SIPA1L1: variants seen among roughly 807,000 people sequenced by gnomAD.
The protein encoded by SIPA1L1 is signal induced proliferation associated 1 like 1.
Under a neutral mutation model 162.7 loss-of-function variants are expected in SIPA1L1, and 26 were observed. The observed-to-expected ratio is 0.16, with a 90% confidence interval of 0.12 to 0.22. The LOEUF (loss-of-function observed/expected upper bound fraction) is 0.22, where lower values mean the gene tolerates loss of function less well. Ranked by LOEUF, SIPA1L1 falls within the 10% of genes least tolerant of loss-of-function variation. The pLI, the probability that SIPA1L1 is intolerant of heterozygous loss-of-function variation, is 1.00. For synonymous variants in SIPA1L1, 829 were observed against 837.4 expected, an observed-to-expected ratio of 0.99 and a Z score of 0.17; for missense variants, 1,874 against 2,241.0, an observed-to-expected ratio of 0.84 and a Z score of 3.31.
rs574335847 is a variant in SIPA1L1, at chr14:71,519,881, A to G, written c.-362+7036A>G. On this transcript the variant is annotated intron_variant, in intron 3 of 23. Transcript: ENST00000381232. ...ATTGATTATAATAGTGATTAATTATAGTAAACAATAATAGTAATGGATTAT... is the reference window on the plus strand; with the variant it reads ...ATTGATTATAATAGTGATTAATTATGGTAAACAATAATAGTAATGGATTAT... Among the ~76,000 whole-genome samples, 53 of 152,336 alleles carry G rather than the reference A, an allele frequency of 3.5e-4. 1 individual carries two copies. The highest frequency in any genetic ancestry group is 1.2e-3 in the African/African-American group (49 of 41,576).
At chr14:71,544,377 C>A (rs190155360) in intron 4 of SIPA1L1, among the ~76,000 whole-genome samples, 113 of 151,018 alleles carry the variant, frequency 7.5e-4, no homozygotes, top group Middle Eastern at 3.5e-3. Context: ...TATATGATTT[C>A]TTTGTCAGAT....
chr14:71,553,050 G>A (rs552662156), intron 4 of SIPA1L1, among the ~76,000 whole-genome samples: 2 of 152,216 alleles, frequency 1.3e-5, no homozygotes, highest in East Asian at 3.9e-4. Context: ...ATGCTGCTTA[G>A]TGTCACTCTG....
chr14:71,532,027 T>A (rs1460322234), intron 4 of SIPA1L1, among the ~76,000 whole-genome samples: 1 of 152,174 alleles, frequency 6.6e-6, no homozygotes, highest in African/African-American at 2.4e-5. Flanking sequence ...TTTGTTTTTT[T>A]TTCTGGGTGC....
chr14:71,554,368 C>T (rs1204575442), intron 4 of SIPA1L1, among the ~76,000 whole-genome samples: 1 of 151,772 alleles, frequency 6.6e-6, no homozygotes, highest in African/African-American at 2.4e-5. Context: ...AACTTAAACA[C>T]CACAGACTTA....
At chr14:71,514,347 T>C (rs1019594217) in intron 3 of SIPA1L1, among the ~76,000 whole-genome samples, 4 of 152,218 alleles carry the variant, frequency 2.6e-5, no homozygotes, top group African/African-American at 9.6e-5. Flanking sequence ...ACTGGAGTTG[T>C]ACATAACGCT....
intron 2 of SIPA1L1, among the ~76,000 whole-genome samples, chr14:71,370,543 T>A (rs1188236595): frequency 2.0e-5 from 3 of 152,194 alleles, no homozygotes; most frequent in Admixed American, 6.5e-5. Flanking sequence ...TGCTGTATAA[T>A]TGCCCTTCAG....
rs2085654622 is a variant in SIPA1L1 at position 71,740,232 on chromosome 14, A to G, written c.*1071A>G. ...TTGCTTGTTAGGAATAATGACTGTG[A>G]TACTAGAATGGGCTTTTGAAACCTG... is the stretch of plus-strand genomic sequence containing the variant. On this transcript the variant is annotated 3_prime_UTR_variant, in exon 24 of 24. Transcript: ENST00000381232. 1 of 152,222 alleles carries G rather than the reference A, an allele frequency of 6.6e-6. No homozygotes were observed. Among genetic ancestry groups the G allele is most frequent in the African/African-American group, 2.4e-5 (1 of 41,448 alleles). The allele number at this position is 152,222 out of a possible 1,614,324, so 9.4% of individuals were successfully genotyped here.
At chr14:71,614,220 A>C (rs937204901) in intron 5 of SIPA1L1, among the ~76,000 whole-genome samples, 1 of 146,668 alleles carries the variant, frequency 6.8e-6, no homozygotes, top group East Asian at 1.9e-4. Flanking sequence ...GCTGTCTCCA[A>C]AAAAAAAAAA....
chr14:71,499,282 G>A (rs1567110229), intron 2 of SIPA1L1, among the ~76,000 whole-genome samples: 4 of 152,200 alleles, frequency 2.6e-5, no homozygotes. Flanking sequence ...GGTTGAGGCT[G>A]TAGTGGGCTA....
chr14:71,703,924 CTTAATAGA>C (rs2082266350), intron 15 of SIPA1L1, among the ~76,000 whole-genome samples: 1 of 152,170 alleles, frequency 6.6e-6, no homozygotes, highest in Admixed American at 6.5e-5. Context: ...GCATCCCACT[CTTAATAGA>C]TAAGACTTAA....
intron 4 of SIPA1L1, among the ~76,000 whole-genome samples, chr14:71,572,521 C>T (rs977209080): frequency 2.6e-5 from 4 of 152,050 alleles, no homozygotes; most frequent in Non-Finnish European, 2.9e-5. Context: ...ATCTGGGAGA[C>T]GTGGGATCCA....
chr14:71,327,489 C>G (rs1268026912), intron 2 of SIPA1L1, among the ~76,000 whole-genome samples: 1 of 152,140 alleles, frequency 6.6e-6, no homozygotes, highest in African/African-American at 2.4e-5. Flanking sequence ...TATCCCATGT[C>G]TTCAGGAAGA....
intron 2 of SIPA1L1, among the ~76,000 whole-genome samples, chr14:71,410,658 CG>C (rs1299203619): frequency 6.6e-6 from 1 of 152,144 alleles, no homozygotes; most frequent in East Asian, 1.9e-4. Context: ...GCATTAAAAA[CG>C]TTTCAGATTT....
At chr14:71,367,519 A>G (rs2038435869) in intron 2 of SIPA1L1, among the ~76,000 whole-genome samples, 1 of 150,942 alleles carries the variant, frequency 6.6e-6, no homozygotes, top group Admixed American at 6.6e-5. Flanking sequence ...CGTGTTAGCC[A>G]GGATGGTCTC....
At chr14:71,722,038 C>T (rs1401572590) in intron 17 of SIPA1L1, among the ~76,000 whole-genome samples, 1 of 152,192 alleles carries the variant, frequency 6.6e-6, no homozygotes, top group East Asian at 1.9e-4. Flanking sequence ...TCTGCTGTAA[C>T]AGGCCAGCAG....
At chr14:71,365,072 G>T (rs1241892190) in intron 2 of SIPA1L1, among the ~76,000 whole-genome samples, 1 of 151,854 alleles carries the variant, frequency 6.6e-6, no homozygotes, top group Non-Finnish European at 1.5e-5. Context: ...TGTTGCCCAG[G>T]CTGGAGTGTA....
chr14:71,528,086 C>T (rs943345231), intron 3 of SIPA1L1, among the ~76,000 whole-genome samples: 2 of 152,138 alleles, frequency 1.3e-5, no homozygotes, highest in Non-Finnish European at 2.9e-5. Flanking sequence ...AAAGCAATTC[C>T]AGCATCTTAA....
Position 71,535,585 on chromosome 14 carries a change from C to G in SIPA1L1, c.-303+6215C>G, listed in dbSNP as rs575993230. On this transcript the variant is annotated intron_variant, in intron 4 of 23. Transcript: ENST00000381232. ...TTATTATCAAGGGATAACTGAATGT[C>G]AGAATCCCTCCTAGGTTTTTTTTTT... 1.8e-4 allele frequency among the ~76,000 whole-genome samples: 27 copies of G among 151,848 alleles called. No homozygotes were observed. In the South Asian group the frequency reaches 3.9e-3, roughly 22 times the overall value.
At chr14:71,595,475 T>C (rs1345929804) in intron 5 of SIPA1L1, among the ~76,000 whole-genome samples, 6 of 152,254 alleles carry the variant, frequency 3.9e-5, no homozygotes, top group African/African-American at 7.2e-5. Flanking sequence ...ACTATACAGC[T>C]TTGATTATTA....
Sources: gnomAD v4.1 joint callset for allele counts (sites outside exome capture counted in the v4.1 genomes callset) on GRCh38, gnomAD v4.1.1 for gene constraint, MANE v1.5 for transcripts, NCBI Gene and HGNC (gene_info 2026-07-23, HGNC 2026-07-21) for gene names.